Variants in KIAA1328 observed in about 807,000 individuals in gnomAD.
KIAA1328 encodes the protein KIAA1328.
In KIAA1328, 52 loss-of-function variants were observed where a neutral mutation model predicts 68.1. That is an observed-to-expected ratio of 0.76 (90% CI 0.61 to 0.96). The LOEUF (loss-of-function observed/expected upper bound fraction) is 0.96, where lower values mean the gene tolerates loss of function less well. Among genes scored for constraint, KIAA1328 ranks in the 40% least tolerant of loss-of-function variants. The pLI is 0.00. For synonymous variants in KIAA1328, 232 were observed against 239.4 expected (o/e 0.97, Z 0.28); for missense variants, 641 against 677.6 (o/e 0.95, Z 0.60).
rs1357322059 is a variant in KIAA1328 at position 36,878,164 on chromosome 18, G to T, written c.333-7393G>T. Among the ~76,000 whole-genome samples, 3 of 152,132 alleles carry T rather than the reference G, an allele frequency of 2.0e-5. No individual in the cohort carries two copies. In the East Asian group the frequency reaches 5.8e-4, roughly 29 times the overall value. Reference sequence around the variant, plus strand: ...AAGAGTTTTGCAGTGGCTGATACTGGTTTTTCCTTTCCATATTTAGTGCTT... The same window carrying T: ...AAGAGTTTTGCAGTGGCTGATACTGTTTTTTCCTTTCCATATTTAGTGCTT... On this transcript the variant is annotated intron_variant, in intron 4 of 9. Transcript: ENST00000280020.
chr18:37,007,897 G>A (rs1186359157), intron 6 of KIAA1328, among the ~76,000 whole-genome samples: 2 of 152,172 alleles, frequency 1.3e-5, no homozygotes, highest in Admixed American at 6.5e-5. Flanking sequence ...ACTTAAAGGG[G>A]CAACCTGTAT....
intron 9 of KIAA1328, among the ~76,000 whole-genome samples, chr18:37,208,566 A>T (rs1163532540): frequency 6.6e-6 from 1 of 152,192 alleles, no homozygotes; most frequent in African/African-American, 2.4e-5. Flanking sequence ...GAAGTTGAGG[A>T]TGACAGAGCA....
chr18:36,995,119 G>A (rs189633632), intron 6 of KIAA1328, among the ~76,000 whole-genome samples: 175 of 152,020 alleles, frequency 1.2e-3, no homozygotes, highest in African/African-American at 4.0e-3. Flanking sequence ...CCTCCCACCC[G>A]CTGACAGGCC....
At chr18:37,229,771 G>T (rs938380273), downstream of KIAA1328, 1 of 221,132 alleles carries the variant, frequency 4.5e-6, no homozygotes, top group Non-Finnish European at 9.2e-6. Context: ...CTGTAGTCCC[G>T]GCTACTCAGG....
intron 6 of KIAA1328, among the ~76,000 whole-genome samples, chr18:37,048,871 T>C (rs1187294808): frequency 2.0e-5 from 3 of 152,214 alleles, no homozygotes; most frequent in African/African-American, 7.2e-5. Context: ...TCCATTTAGC[T>C]GTTGCTGCTC....
At chr18:37,068,582 G>T (rs1436550165) in intron 7 of KIAA1328, among the ~76,000 whole-genome samples, 2 of 152,032 alleles carry the variant, frequency 1.3e-5, no homozygotes, top group Non-Finnish European at 1.5e-5. Context: ...TAGTAATGTT[G>T]AACATCTTTT....
chr18:36,849,782 A>G (rs2047152178), intron 4 of KIAA1328, among the ~76,000 whole-genome samples: 1 of 152,076 alleles, frequency 6.6e-6, no homozygotes, highest in Non-Finnish European at 1.5e-5. Context: ...TTTTGAGGAA[A>G]TGCCAAACTA....
intron 6 of KIAA1328, among the ~76,000 whole-genome samples, chr18:37,009,011 T>A (rs1206442540): frequency 6.6e-6 from 1 of 152,200 alleles, no homozygotes; most frequent in Non-Finnish European, 1.5e-5. Flanking sequence ...TAAACAGTTC[T>A]CAAAGGAAAA....
At chr18:37,188,222 T>G (rs1599548290) in intron 9 of KIAA1328, among the ~76,000 whole-genome samples, 1 of 152,122 alleles carries the variant, frequency 6.6e-6, no homozygotes, top group South Asian at 2.1e-4. Context: ...ATCCCTTCAT[T>G]CCATCCAGCC....
chr18:37,163,086 G>A (rs1469841640), intron 8 of KIAA1328, among the ~76,000 whole-genome samples: 1 of 152,126 alleles, frequency 6.6e-6, no homozygotes, highest in Non-Finnish European at 1.5e-5. Flanking sequence ...CATAAATCTG[G>A]AAACACCTGA....
chr18:36,973,852 T>C (rs867530384), intron 6 of KIAA1328, among the ~76,000 whole-genome samples: 1,047 of 42,530 alleles, frequency 0.025, 7 homozygotes, highest in Middle Eastern at 0.071. Context: ...CACACACACA[T>C]ATATATCTTC....
At chr18:37,098,662 C>T (rs1471140020) in intron 7 of KIAA1328, among the ~76,000 whole-genome samples, 1 of 152,076 alleles carries the variant, frequency 6.6e-6, no homozygotes, top group African/African-American at 2.4e-5. Context: ...CCAGTTCCTC[C>T]TTGTACCTCT....
rs534928494 is a variant in KIAA1328, at chr18:37,015,514, G to GT, written c.577-51368dup. Among the ~76,000 whole-genome samples the GT allele has an allele frequency of 6.5e-4, 99 of 151,858 alleles. 2 individuals are homozygous for GT. The South Asian group carries it at 0.016, about 25-fold the overall frequency. On this transcript the variant is annotated intron_variant, in intron 6 of 9. Coordinates refer to ENST00000280020, the MANE Select transcript of KIAA1328 (RefSeq NM_020776.3). The stretch of plus-strand genomic sequence containing the variant: ...TTTGGTTTCATATGATTTTAGAGTA[G>GT]TTTTTTTTCCAATTATGTGAAAAAT...
At chr18:37,220,225 C>T (rs1489940871) in intron 9 of KIAA1328, among the ~76,000 whole-genome samples, 1 of 152,174 alleles carries the variant, frequency 6.6e-6, no homozygotes, top group Non-Finnish European at 1.5e-5. Flanking sequence ...TCTATGATGT[C>T]ATTTTAATGT....
chr18:36,922,475 T>G (rs2049963524), intron 5 of KIAA1328, among the ~76,000 whole-genome samples: 1 of 152,170 alleles, frequency 6.6e-6, no homozygotes, highest in Non-Finnish European at 1.5e-5. Context: ...ATGGGAAATT[T>G]TTTGAAGAAT....
chr18:36,996,283 C>T (rs1002628262), intron 6 of KIAA1328, among the ~76,000 whole-genome samples: 9 of 152,122 alleles, frequency 5.9e-5, no homozygotes, highest in African/African-American at 2.2e-4. Context: ...TATATATAGA[C>T]ATGTAATTCT....
At chr18:36,918,549 A>T (rs2049799066) in intron 5 of KIAA1328, among the ~76,000 whole-genome samples, 1 of 151,266 alleles carries the variant, frequency 6.6e-6, no homozygotes, top group South Asian at 2.1e-4. Context: ...AGTAGCTGTG[A>T]TTACAGGTGC....
chr18:36,939,301 C>A (rs1475949638), intron 5 of KIAA1328, among the ~76,000 whole-genome samples: 2 of 152,044 alleles, frequency 1.3e-5, no homozygotes, highest in African/African-American at 4.8e-5. Context: ...ACAGATATTT[C>A]ACCTTCTTGG....
chr18:36,933,318 C>T (rs2050380280), intron 5 of KIAA1328, among the ~76,000 whole-genome samples: 1 of 152,238 alleles, frequency 6.6e-6, no homozygotes, highest in Middle Eastern at 3.4e-3. Flanking sequence ...AGAGAGATAA[C>T]CCCCTCACCA....
Sources: allele counts gnomAD v4.1 joint callset (sites outside exome capture counted in the v4.1 genomes callset), GRCh38; gene constraint gnomAD v4.1.1; transcripts MANE v1.5; gene names NCBI Gene and HGNC (gene_info 2026-07-23, HGNC 2026-07-21).